HECW1: variants seen among roughly 807,000 people sequenced by gnomAD.
HECW1 encodes the protein HECT, C2 and WW domain containing E3 ubiquitin protein ligase 1, also known as E3 ubiquitin-protein ligase HECW1.
In HECW1, 61 loss-of-function variants were observed where a neutral mutation model predicts 182.3. That is an observed-to-expected ratio of 0.33 (90% CI 0.27 to 0.41). The LOEUF (loss-of-function observed/expected upper bound fraction) is 0.41. Ranked by LOEUF, HECW1 falls within the 10% of genes least tolerant of loss-of-function variation. The pLI is 1.00. For synonymous variants in HECW1, 859 were observed against 832.6 expected, an observed-to-expected ratio of 1.03 and a Z score of -0.55; for missense variants, 1,739 against 2,108.9, an observed-to-expected ratio of 0.82 and a Z score of 3.44.
At chr7:43,364,525 C>T (rs368260823) in intron 6 of HECW1, among the ~76,000 whole-genome samples, 3 of 152,344 alleles carry the variant, frequency 2.0e-5, no homozygotes, top group Admixed American at 6.5e-5. Context: ...TAGAGAAAGC[C>T]GTGACCAGGC....
intron 2 of HECW1, among the ~76,000 whole-genome samples, chr7:43,122,905 C>T (rs1438785155): frequency 6.6e-6 from 1 of 152,090 alleles, no homozygotes; most frequent in African/African-American, 2.4e-5. Flanking sequence ...AAATCATTTT[C>T]CGTTGCTTAT....
intron 3 of HECW1, among the ~76,000 whole-genome samples, chr7:43,302,247 G>A (rs2152763853): frequency 6.6e-6 from 1 of 152,210 alleles, no homozygotes; most frequent in South Asian, 2.1e-4. Flanking sequence ...CCCAAGCCAG[G>A]CAGCTCAGGC....
intron 13 of HECW1, among the ~76,000 whole-genome samples, chr7:43,461,376 A>G (rs2077576943): frequency 1.3e-5 from 2 of 152,226 alleles, no homozygotes; most frequent in Admixed American, 6.5e-5. Flanking sequence ...AGGTAGTTGA[A>G]GGGGACATGG....
chr7:43,489,093 G>A (rs1002859691), intron 17 of HECW1, among the ~76,000 whole-genome samples: 1 of 152,282 alleles, frequency 6.6e-6, no homozygotes, highest in South Asian at 2.1e-4. Flanking sequence ...GTGATGCCCT[G>A]ACAGTTAGAC....
chr7:43,282,418 G>A (rs912469938), intron 3 of HECW1, among the ~76,000 whole-genome samples: 3 of 152,242 alleles, frequency 2.0e-5, no homozygotes, highest in Non-Finnish European at 4.4e-5. Context: ...TCTGCCTTCT[G>A]TAAAGTCGTT....
intron 7 of HECW1, among the ~76,000 whole-genome samples, chr7:43,404,471 G>C (rs2075536241): frequency 6.6e-6 from 1 of 152,170 alleles, no homozygotes; most frequent in African/African-American, 2.4e-5. Context: ...GAGTGATAAA[G>C]AAAGGTGTTA....
At chr7:43,162,207 G>A (rs954040064) in intron 2 of HECW1, among the ~76,000 whole-genome samples, 13 of 151,978 alleles carry the variant, frequency 8.6e-5, no homozygotes, top group African/African-American at 3.2e-4. Context: ...TTACTTGTTA[G>A]TGGATCAGTT....
At chr7:43,203,326 T>G (rs2152690757) in intron 2 of HECW1, among the ~76,000 whole-genome samples, 1 of 152,360 alleles carries the variant, frequency 6.6e-6, no homozygotes, top group South Asian at 2.1e-4. Flanking sequence ...TTGTGTAATA[T>G]TGCAAATAAT....
At chr7:43,120,029 C>T (rs1785428472) in intron 2 of HECW1, among the ~76,000 whole-genome samples, 1 of 152,182 alleles carries the variant, frequency 6.6e-6, no homozygotes, top group African/African-American at 2.4e-5. Context: ...GTGTGCCAGG[C>T]ATTGGTTTAG....
intron 26 of HECW1, 60 bp downstream of exon 26, chr7:43,542,058 A>C: frequency 4.4e-6 from 6 of 1,356,194 alleles, no homozygotes; most frequent in South Asian, 2.0e-5. Context: ...AAATGCACAT[A>C]ACATAAAGTT....
chr7:43,432,767 G>T lies in HECW1; in HGVS notation c.802-5236G>T, dbSNP rs1045772487. Reference sequence around the variant, plus strand: ...ATTGCTCATTATGCAACTGCTACCAGTTTACATAATTGCCAATTAAATATT... The same window carrying T: ...ATTGCTCATTATGCAACTGCTACCATTTTACATAATTGCCAATTAAATATT... On this transcript the variant is annotated intron_variant, in intron 8 of 29. Transcript: ENST00000395891. The surrounding 1 kb of genome is among the most constrained non-coding windows in gnomAD (Gnocchi z 4.1). 2.0e-5 allele frequency among the ~76,000 whole-genome samples: 3 copies of T among 152,190 alleles called. No individual in the cohort carries two copies. Among genetic ancestry groups the T allele is most frequent in the Non-Finnish European group, 2.9e-5 (2 of 68,046 alleles).
At chr7:43,246,903 T>C (rs1799428107) in intron 3 of HECW1, among the ~76,000 whole-genome samples, 1 of 152,068 alleles carries the variant, frequency 6.6e-6, no homozygotes, top group African/African-American at 2.4e-5. Context: ...GACCCAGTGT[T>C]GGGTGGGAAT....
At chr7:43,487,822 A>G (rs2078703181) in intron 17 of HECW1, among the ~76,000 whole-genome samples, 1 of 152,016 alleles carries the variant, frequency 6.6e-6, no homozygotes, top group African/African-American at 2.4e-5. Flanking sequence ...AGCTGGGCAC[A>G]GTGATGTGTG....
At chr7:43,337,739 G>A (rs1232237328) in intron 5 of HECW1, among the ~76,000 whole-genome samples, 3 of 152,180 alleles carry the variant, frequency 2.0e-5, no homozygotes, top group Non-Finnish European at 4.4e-5. Context: ...CTCCCAAGAG[G>A]CAACAATTCC....
chr7:43,129,716 G>A (rs1053754394), intron 2 of HECW1, among the ~76,000 whole-genome samples: 8 of 152,182 alleles, frequency 5.3e-5, no homozygotes, highest in South Asian at 2.1e-4. Flanking sequence ...TCCTCTAACC[G>A]TATACAGTTG....
chr7:43,176,755 G>C (rs1792291450), intron 2 of HECW1, among the ~76,000 whole-genome samples: 1 of 152,144 alleles, frequency 6.6e-6, no homozygotes, highest in African/African-American at 2.4e-5. Context: ...CTGCATGGCG[G>C]ACTAAGTTTC....
intron 3 of HECW1, among the ~76,000 whole-genome samples, chr7:43,310,287 G>A (rs1014896614): frequency 1.3e-5 from 2 of 152,180 alleles, no homozygotes; most frequent in Non-Finnish European, 2.9e-5. Flanking sequence ...CCTTGAGATA[G>A]GTGGGTGGTT....
At chr7:43,502,303 T>C (rs1396678677) in intron 21 of HECW1, among the ~76,000 whole-genome samples, 1 of 152,194 alleles carries the variant, frequency 6.6e-6, no homozygotes, top group Non-Finnish European at 1.5e-5. Flanking sequence ...GTACAAAAAT[T>C]CTTTGCAGGT....
intron 12 of HECW1, among the ~76,000 whole-genome samples, chr7:43,452,507 A>G (rs966600506): frequency 5.9e-5 from 9 of 152,242 alleles, no homozygotes; most frequent in Non-Finnish European, 1.3e-4. Flanking sequence ...AATATTGTTA[A>G]ATAATCTCAA....
Sources: allele counts gnomAD v4.1 joint callset (sites outside exome capture counted in the v4.1 genomes callset), GRCh38; gene constraint gnomAD v4.1.1; non-coding constraint Gnocchi (gnomAD v3.1); transcripts MANE v1.5; gene names NCBI Gene and HGNC (gene_info 2026-07-23, HGNC 2026-07-21).